MX1: variants seen among roughly 807,000 people sequenced by gnomAD.
The protein encoded by MX1 is interferon-induced GTP-binding protein Mx1.
A neutral mutation model predicts 66.4 loss-of-function variants in MX1; 66 were observed. The ratio of observed to expected loss-of-function variants is 0.99; its 90% CI spans 0.82 to 1.22. The LOEUF (loss-of-function observed/expected upper bound fraction) is 1.22. Ranked by LOEUF, MX1 falls within the 50% of genes most tolerant of loss-of-function variation. The pLI is 0.00. For missense variants in MX1, 787 were observed against 834.3 expected, an observed-to-expected ratio of 0.94 and a Z score of 0.70; for synonymous variants, 311 against 318.1, an observed-to-expected ratio of 0.98 and a Z score of 0.24.
At chr21:41,432,325 C>A in intron 5 of MX1, 150 bp downstream of exon 5, 1 of 707,100 alleles carries the variant, frequency 1.4e-6, no homozygotes. Flanking sequence ...CTCTACTTGC[C>A]AGCTGACAAC....
Position 41,441,643 on chromosome 21 carries a change from G to T in MX1, c.731-73G>T, listed in dbSNP as rs146383529. 2.0e-6 allele frequency: 3 copies of T among 1,497,522 alleles called. No individual in the cohort carries two copies. The East Asian group carries it at 6.8e-5, about 34-fold the overall frequency. 92.8% of individuals were successfully genotyped at this position (1,497,522 alleles called of 1,614,324 possible). Reference sequence around the variant, plus strand: ...GGGAGGAAACCCTGGGAGGCCGGGGGCGTGAGCAGTTGTTCGTTCACCTCT... The same window carrying T: ...GGGAGGAAACCCTGGGAGGCCGGGGTCGTGAGCAGTTGTTCGTTCACCTCT... On this transcript the variant is annotated intron_variant, in intron 9 of 16. Coordinates refer to ENST00000398598, the MANE Select transcript of MX1 (RefSeq NM_002462.5). The surrounding 1 kb of genome is among the most constrained non-coding windows in gnomAD (Gnocchi z 4.0).
At position 41,443,468 on chromosome 21, in the gene MX1, G is replaced by C. The variant is rs546206063; in HGVS notation, c.930-320G>C. On this transcript the variant is annotated intron_variant, in intron 10 of 16. Transcript: ENST00000398598. ...ACCTACACATATTACACATAGAAGG[G>C]GGTATGTGTTATAAAAACATATCTA... 145 of 309,592 alleles carry C rather than the reference G, an allele frequency of 4.7e-4. 3 individuals carry two copies. In the South Asian group the frequency reaches 5.1e-3, roughly 11 times the overall value. 19.2% of individuals were successfully genotyped at this position (309,592 alleles called of 1,614,324 possible). A position where few individuals can be genotyped will look rare whatever the true frequency, so the allele number is the denominator to read the frequency against.
At chr21:41,454,707 G>A (rs1285650362) in intron 16 of MX1, among the ~76,000 whole-genome samples, 2 of 152,124 alleles carry the variant, frequency 1.3e-5, no homozygotes, top group African/African-American at 2.4e-5. Flanking sequence ...CACAACTCAG[G>A]TAGAGCCCTT....
intron 10 of MX1, 102 bp downstream of exon 10, chr21:41,442,016 T>TGTGTGA: frequency 9.1e-7 from 1 of 1,102,112 alleles, no homozygotes; most frequent in Non-Finnish European, 1.4e-6. Flanking sequence ...AGTGTGTGTG[T>TGTGTGA]GTGTGTGTGC....
At position 41,441,550 on chromosome 21, in the gene MX1, T is replaced by C; in HGVS notation, c.731-166T>C. ...CTTCACGCGGCTTGTCGTGGAGTTC[T>C]TTTCTGGAGCGGGGCTCCACTGCCC... On this transcript the variant is annotated intron_variant, in intron 9 of 16. Transcript: ENST00000398598. This position sits in a 1 kb window ranked among gnomAD's most constrained non-coding sequence, Gnocchi z 4.0. 1.4e-6 allele frequency: 1 copy of C among 691,576 alleles called. No individual in the cohort carries two copies. Among genetic ancestry groups the C allele is most frequent in the Non-Finnish European group, 2.5e-6 (1 of 400,058 alleles). The allele number at this position is 691,576 out of a possible 1,614,324, so 42.8% of individuals were successfully genotyped here.
chr21:41,449,119 T>C lies in MX1; in HGVS notation c.1274-18T>C, dbSNP rs765175891. 2.0e-5 allele frequency: 31 copies of C among 1,555,998 alleles called. No individual in the cohort carries two copies. The highest frequency in any genetic ancestry group is 2.6e-5 in the Non-Finnish European group (30 of 1,152,818). ...TATTTTTGTAAAATAATTTAGAGGG[T>C]TTTTTTTCCTGCTATAGGCCATAAA... On this transcript the variant is annotated intron_variant, in intron 13 of 16. Coordinates refer to ENST00000398598, the MANE Select transcript of MX1 (RefSeq NM_002462.5).
chr21:41,422,000 GAGCAACTCCACACCGGGTGCATGCCAC>G (rs1284063645), upstream of MX1: 1 of 152,290 alleles, frequency 6.6e-6, no homozygotes, highest in Admixed American at 6.5e-5. Flanking sequence ...GGTACACCCA[GAGCAACTCCACACCGGGTGCATGCCAC>G]AGCAACTCCA....
upstream of MX1, among the ~76,000 whole-genome samples, chr21:41,425,349 C>T (rs2090040386): frequency 6.6e-6 from 1 of 152,130 alleles, no homozygotes; most frequent in Admixed American, 6.5e-5. Flanking sequence ...AAAGTACATT[C>T]TCAAGGGTGG....
At chr21:41,449,048 T>C in intron 13 of MX1, 89 bp from the exon 14 acceptor site, 1 of 1,267,610 alleles carries the variant, frequency 7.9e-7, no homozygotes, top group Non-Finnish European at 1.1e-6. Flanking sequence ...CATTTATATT[T>C]TCAGAAAATT....
intron 4 of MX1, among the ~76,000 whole-genome samples, chr21:41,430,962 G>A (rs1268368045): frequency 6.6e-6 from 1 of 152,106 alleles, no homozygotes; most frequent in East Asian, 1.9e-4. Flanking sequence ...CGTAATATTT[G>A]GATTCTCTTG....
At position 41,443,867 on chromosome 21, in the gene MX1, G is replaced by C. The variant is rs1172769444; in HGVS notation, c.1008+1G>C. ...CAGCGAGCTCATCACACATATCTGT[G>C]TAAGCACGGGCAGAGCTGTGGGTTC... On this transcript the variant is annotated splice_donor_variant, in intron 11 of 16. Transcript: ENST00000398598. LOFTEE classifies it high-confidence loss of function. 1.3e-5 allele frequency: 21 copies of C among 1,614,126 alleles called. No individual in the cohort carries two copies. The East Asian group carries it at 4.5e-4, about 34-fold the overall frequency.
At position 41,441,935 on chromosome 21, in the gene MX1, T is replaced by A; in HGVS notation, c.929+21T>A. On this transcript the variant is annotated intron_variant, in intron 10 of 16. Coordinates refer to ENST00000398598, the MANE Select transcript of MX1 (RefSeq NM_002462.5). This position sits in a 1 kb window ranked among gnomAD's most constrained non-coding sequence, Gnocchi z 4.0. ...TTCAGGTGCGCTTGCCTGGGTTTCA[T>A]CATGGATCAGTCCAAGCCCAGGATG... 6.2e-7 allele frequency: 1 copy of A among 1,613,788 alleles called. No homozygotes were observed. Among genetic ancestry groups the A allele is most frequent in the Non-Finnish European group, 8.5e-7 (1 of 1,179,846 alleles).
At chr21:41,437,643 AAC>A (rs1328308721) in intron 7 of MX1, among the ~76,000 whole-genome samples, 1 of 152,200 alleles carries the variant, frequency 6.6e-6, no homozygotes, top group African/African-American at 2.4e-5. Flanking sequence ...CTGTCTCAAA[AAC>A]ACATGTATTG....
At chr21:41,425,060 A>G (rs1045836857), upstream of MX1, among the ~76,000 whole-genome samples, 3 of 152,232 alleles carry the variant, frequency 2.0e-5, no homozygotes, top group Admixed American at 1.3e-4. Flanking sequence ...ACTTGTTACA[A>G]TGCTGGGAGG....
At chr21:41,431,996 G>C in intron 4 of MX1, 54 bp from the exon 5 acceptor site, 5 of 1,482,672 alleles carry the variant, frequency 3.4e-6, no homozygotes, top group Non-Finnish European at 1.9e-6. Flanking sequence ...TTGGTTCCAT[G>C]GTTGAATGCA....
intron 8 of MX1, 132 bp downstream of exon 8, chr21:41,439,980 G>A: frequency 1.1e-6 from 1 of 910,498 alleles, no homozygotes; most frequent in Non-Finnish European, 1.6e-6. Context: ...AGTATTTGGA[G>A]GTGTGAGTGG....
intron 5 of MX1, among the ~76,000 whole-genome samples, chr21:41,432,906 A>G (rs1568970663): frequency 6.6e-6 from 1 of 152,238 alleles, no homozygotes; most frequent in Non-Finnish European, 1.5e-5. Flanking sequence ...TTAGAAAAAT[A>G]CAGAGGACCA....
At chr21:41,444,318 C>CTTTCT (rs2090601290) in intron 11 of MX1, among the ~76,000 whole-genome samples, 7 of 71,526 alleles carry the variant, frequency 9.8e-5, no homozygotes, top group African/African-American at 4.3e-4. Flanking sequence ...TCTTTTCTTT[C>CTTTCT]TTTTTTTTTT....
intron 13 of MX1, among the ~76,000 whole-genome samples, chr21:41,447,014 C>A (rs2090681569): frequency 6.6e-6 from 1 of 152,148 alleles, no homozygotes; most frequent in African/African-American, 2.4e-5. Context: ...ATTGATAAAC[C>A]AACTGGCTTG....
Sources: allele counts gnomAD v4.1 joint callset (sites outside exome capture counted in the v4.1 genomes callset), GRCh38; gene constraint gnomAD v4.1.1; non-coding constraint Gnocchi (gnomAD v3.1); transcripts MANE v1.5; gene names NCBI Gene and HGNC (gene_info 2026-07-23, HGNC 2026-07-21).